Variants in GLDC observed in about 807,000 individuals in gnomAD.
The protein encoded by GLDC is glycine decarboxylase.
Under a neutral mutation model 121.3 loss-of-function variants are expected in GLDC, and 104 were observed. That is an observed-to-expected ratio of 0.86 (90% CI 0.73 to 1.01). The LOEUF (loss-of-function observed/expected upper bound fraction) is 1.01, where lower values mean the gene tolerates loss of function less well. Among genes scored for constraint, GLDC ranks in the 50% least tolerant of loss-of-function variants. The probability of loss-of-function intolerance (pLI) is 0.00; values close to 1 mark genes in which losing one functional copy is unlikely to be tolerated. For synonymous variants in GLDC, 546 were observed against 480.6 expected (o/e 1.14, Z -1.78); for missense variants, 1,429 against 1,306.6 (o/e 1.09, Z -1.44).
intron 7 of GLDC, among the ~76,000 whole-genome samples, chr9:6,603,120 T>G (rs141845403): frequency 0.012 from 1,841 of 151,774 alleles, 26 homozygotes; most frequent in African/African-American, 0.042. Flanking sequence ...CTCAGTTACT[T>G]GGGAGGCTGA....
rs1198416617 is a variant in GLDC at position 6,583,677 on chromosome 9, A to G, written c.1850+3464T>C. 2.0e-5 allele frequency among the ~76,000 whole-genome samples: 3 copies of G among 152,212 alleles called. No individual in the cohort carries two copies. In the East Asian group the frequency reaches 5.8e-4, roughly 29 times the overall value. ...AGCAAAAGAATGAGACCCTGTCTGA[A>G]AAAAAGAAAAAAGGAAGTAAATTCT... On this transcript the variant is annotated intron_variant, in intron 15 of 24. Coordinates refer to ENST00000321612, the MANE Select transcript of GLDC (RefSeq NM_000170.3).
At chr9:6,564,662 C>G (rs1817819788) in intron 16 of GLDC, among the ~76,000 whole-genome samples, 1 of 152,190 alleles carries the variant, frequency 6.6e-6, no homozygotes, top group Non-Finnish European at 1.5e-5. Flanking sequence ...ATGAAGGAAC[C>G]AGGAACACAG....
At chr9:6,631,426 G>A (rs1332484062) in intron 2 of GLDC, among the ~76,000 whole-genome samples, 1 of 152,228 alleles carries the variant, frequency 6.6e-6, no homozygotes, top group Non-Finnish European at 1.5e-5. Context: ...ACTGTGGGGA[G>A]TGGGACAAGG....
At position 6,600,559 on chromosome 9, in the gene GLDC, C is replaced by T. The variant is rs529989736; in HGVS notation, c.1155+1550G>A. Among the ~76,000 whole-genome samples, 4 of 151,918 alleles carry T rather than the reference C, an allele frequency of 2.6e-5. No homozygotes were observed. In the East Asian group the frequency reaches 7.7e-4, roughly 29 times the overall value. The stretch of plus-strand genomic sequence containing the variant: ...GGTGTGGTGGCCTGTAATTCCAGCT[C>T]TTTAGGAGGCTGAGGCACAAGAATC... On this transcript the variant is annotated intron_variant, in intron 8 of 24. Transcript: ENST00000321612.
intron 3 of GLDC, among the ~76,000 whole-genome samples, chr9:6,612,295 C>G (rs552798320): frequency 4.0e-5 from 6 of 151,658 alleles, no homozygotes; most frequent in Non-Finnish European, 7.4e-5. Context: ...ACACCAACAC[C>G]CCAATACAAG....
At chr9:6,580,016 C>T (rs746779631) in intron 15 of GLDC, among the ~76,000 whole-genome samples, 1 of 152,242 alleles carries the variant, frequency 6.6e-6, no homozygotes. Context: ...TCCTCATCTA[C>T]AAAGGCTAGA....
chr9:6,583,728 C>G (rs966902751), intron 15 of GLDC, among the ~76,000 whole-genome samples: 1 of 152,088 alleles, frequency 6.6e-6, no homozygotes, highest in African/African-American at 2.4e-5. Context: ...ATTGATGAAC[C>G]TTGAAGACAT....
chr9:6,610,619 G>A (rs755773599), intron 3 of GLDC, among the ~76,000 whole-genome samples: 8 of 151,864 alleles, frequency 5.3e-5, no homozygotes, highest in Non-Finnish European at 1.2e-4. Flanking sequence ...GTTGGTTTTT[G>A]AGACAGGGTC....
intron 22 of GLDC, among the ~76,000 whole-genome samples, chr9:6,537,842 C>T (rs1817167359): frequency 6.6e-6 from 1 of 152,010 alleles, no homozygotes; most frequent in Non-Finnish European, 1.5e-5. Flanking sequence ...CACCCATATA[C>T]CCACCACCTA....
intron 2 of GLDC, among the ~76,000 whole-genome samples, chr9:6,637,992 T>C (rs567179069): frequency 1.1e-3 from 168 of 152,054 alleles, no homozygotes; most frequent in African/African-American, 3.9e-3. Context: ...CTCATCACTT[T>C]TAAAACAAAT....
intron 23 of GLDC, among the ~76,000 whole-genome samples, chr9:6,535,464 G>A (rs1432883580): frequency 6.6e-6 from 1 of 151,784 alleles, no homozygotes; most frequent in Non-Finnish European, 1.5e-5. Flanking sequence ...ACCTGCCCCA[G>A]CTGCTGCAGT....
chr9:6,552,229 CTTTA>C (rs989564828), intron 20 of GLDC, among the ~76,000 whole-genome samples: 1 of 152,162 alleles, frequency 6.6e-6, no homozygotes, highest in Non-Finnish European at 1.5e-5. Flanking sequence ...TTAAACCCTA[CTTTA>C]TTTATTTAGT....
intron 15 of GLDC, among the ~76,000 whole-genome samples, chr9:6,570,068 G>C (rs1817928067): frequency 6.6e-6 from 1 of 152,138 alleles, no homozygotes. Context: ...TTTGGACATG[G>C]GTCACTGTAG....
chr9:6,564,614 A>AG, intron 16 of GLDC, among the ~76,000 whole-genome samples: 1 of 152,350 alleles, frequency 6.6e-6, no homozygotes, highest in South Asian at 2.1e-4. Flanking sequence ...TCCGCCCCAC[A>AG]GCTCAGTACA....
At chr9:6,591,248 C>A (rs76610829) in intron 11 of GLDC, among the ~76,000 whole-genome samples, 1 of 152,190 alleles carries the variant, frequency 6.6e-6, no homozygotes, top group Non-Finnish European at 1.5e-5. Context: ...CTAGAACACT[C>A]GGACCCATCT....
chr9:6,558,822 A>G, intron 16 of GLDC, 138 bp from the exon 17 acceptor site: 1 of 901,376 alleles, frequency 1.1e-6, no homozygotes, highest in Non-Finnish European at 1.8e-6. Context: ...AGTGCTTTAA[A>G]ATCTGCTACA....
At chr9:6,613,396 G>T (rs1449062893) in intron 3 of GLDC, among the ~76,000 whole-genome samples, 1 of 152,134 alleles carries the variant, frequency 6.6e-6, no homozygotes, top group African/African-American at 2.4e-5. Context: ...GGAGGCCAAG[G>T]TGGGAGGATC....
At chr9:6,616,371 C>A (rs1351644923) in intron 3 of GLDC, among the ~76,000 whole-genome samples, 1 of 152,164 alleles carries the variant, frequency 6.6e-6, no homozygotes, top group Non-Finnish European at 1.5e-5. Flanking sequence ...AAGGTAGAGA[C>A]CTTTAAAATT....
chr9:6,533,858 CAAA>C (rs140518818), intron 24 of GLDC, among the ~76,000 whole-genome samples: 1 of 125,270 alleles, frequency 8.0e-6, no homozygotes. Flanking sequence ...AACTCTATCT[CAAA>C]AAAAAAAAAA....
Sources: gnomAD v4.1 joint callset for allele counts (sites outside exome capture counted in the v4.1 genomes callset) on GRCh38, gnomAD v4.1.1 for gene constraint, MANE v1.5 for transcripts, NCBI Gene and HGNC (gene_info 2026-07-23, HGNC 2026-07-21) for gene names.